The following PCDHA1 variants were observed in gnomAD, a reference collection of about 807,000 sequenced individuals.
PCDHA1 encodes protocadherin alpha-1.
PCDHA1 carries 42 observed loss-of-function variants against 61.3 expected under a neutral mutation model. The ratio of observed to expected loss-of-function variants is 0.69; its 90% CI spans 0.54 to 0.89. The LOEUF is 0.89. Among genes scored for constraint, PCDHA1 ranks in the 40% least tolerant of loss-of-function variants. PCDHA1 has a pLI of 0.00. For missense variants in PCDHA1, 1,256 were observed against 1,235.3 expected, an observed-to-expected ratio of 1.02 and a Z score of -0.25; for synonymous variants, 610 against 553.8, an observed-to-expected ratio of 1.10 and a Z score of -1.43.
At chr5:140,827,315 C>A (rs2150147062) in intron 1 of PCDHA1, among the ~76,000 whole-genome samples, 1 of 152,126 alleles carries the variant, frequency 6.6e-6, no homozygotes, top group East Asian at 1.9e-4. Flanking sequence ...GGTAGAAATT[C>A]CACTAGAATT....
intron 1 of PCDHA1, chr5:140,864,553 T>C (rs575186227): frequency 3.0e-4 from 45 of 152,314 alleles, no homozygotes; most frequent in African/African-American, 1.1e-3. Context: ...TTCTTATAAT[T>C]TCATTTTAGG....
chr5:140,818,588 A>G (rs145310049), intron 1 of PCDHA1, among the ~76,000 whole-genome samples: 121 of 152,278 alleles, frequency 7.9e-4, no homozygotes, highest in Middle Eastern at 3.4e-3. Context: ...TATAATCCCA[A>G]CACCTGTGTG....
At chr5:140,813,261 TG>T (rs1289054885) in intron 1 of PCDHA1, 11 of 152,182 alleles carry the variant, frequency 7.2e-5, no homozygotes, top group African/African-American at 2.7e-4. Context: ...CTACAGTCAT[TG>T]GAGATACATT....
chr5:140,877,094 G>C, intron 1 of PCDHA1: 1 of 1,613,310 alleles, frequency 6.2e-7, no homozygotes, highest in Non-Finnish European at 8.5e-7. Flanking sequence ...CGCGACGCCG[G>C]CGTGCCGCCT....
At chr5:140,942,916 A>G (rs2093393160) in intron 1 of PCDHA1, among the ~76,000 whole-genome samples, 1 of 152,158 alleles carries the variant, frequency 6.6e-6, no homozygotes, top group Non-Finnish European at 1.5e-5. Context: ...GCGTGAAGAA[A>G]AAAAAAATTG....
intron 1 of PCDHA1, among the ~76,000 whole-genome samples, chr5:140,884,922 T>C (rs1253595342): frequency 6.6e-6 from 1 of 152,246 alleles, no homozygotes; most frequent in African/African-American, 2.4e-5. Context: ...TAGTTCTAAG[T>C]ATTTATCTTG....
intron 1 of PCDHA1, chr5:140,929,452 T>C: frequency 1.5e-6 from 2 of 1,366,592 alleles, no homozygotes; most frequent in Non-Finnish European, 2.0e-6. Context: ...TTCTTAGCAC[T>C]TCCTGTGCCA....
chr5:140,990,895 G>A (rs550774822), intron 3 of PCDHA1, among the ~76,000 whole-genome samples: 15 of 152,284 alleles, frequency 9.9e-5, no homozygotes, highest in Non-Finnish European at 1.9e-4. Flanking sequence ...GTGGGTCGTT[G>A]CTGGGTCAAG....
chr5:140,876,342 A>C, intron 1 of PCDHA1: 1 of 1,614,042 alleles, frequency 6.2e-7, no homozygotes, highest in Non-Finnish European at 8.5e-7. Flanking sequence ...TGAGTGAGAA[A>C]TGTATGTTTT....
chr5:141,008,633 A>G (rs1212403774), intron 3 of PCDHA1, among the ~76,000 whole-genome samples: 1 of 152,212 alleles, frequency 6.6e-6, no homozygotes, highest in African/African-American at 2.4e-5. Context: ...AGTATAATTA[A>G]CAATTTCTTC....
intron 1 of PCDHA1, chr5:140,884,416 G>T (rs1035372416): frequency 1.2e-6 from 2 of 1,614,006 alleles, no homozygotes; most frequent in East Asian, 4.5e-5. Flanking sequence ...TCACGTTGCT[G>T]CTGTATACTG....
chr5:140,903,543 A>C (rs1309997907), intron 1 of PCDHA1, among the ~76,000 whole-genome samples: 2 of 152,206 alleles, frequency 1.3e-5, no homozygotes, highest in East Asian at 3.8e-4. Flanking sequence ...TAGAGCAAGA[A>C]ACTTTTCTAA....
At chr5:140,953,124 A>G (rs1554220816) in intron 1 of PCDHA1, among the ~76,000 whole-genome samples, 1 of 152,150 alleles carries the variant, frequency 6.6e-6, no homozygotes, top group African/African-American at 2.4e-5. Flanking sequence ...ACAGATCTAA[A>G]CCGTATCACT....
At chr5:140,841,153 T>C in intron 1 of PCDHA1, 1 of 819,712 alleles carries the variant, frequency 1.2e-6, no homozygotes, top group East Asian at 2.7e-5. Flanking sequence ...TGTCGCTGTC[T>C]ACCAAGAAGT....
intron 1 of PCDHA1, chr5:140,822,912 T>G: frequency 1.2e-6 from 2 of 1,614,222 alleles, no homozygotes; most frequent in Non-Finnish European, 1.7e-6. Flanking sequence ...GTGACTCAGG[T>G]GCCAACGGGC....
chr5:140,869,106 G>A (rs1300691956), intron 1 of PCDHA1: 1 of 1,602,672 alleles, frequency 6.2e-7, no homozygotes, highest in Non-Finnish European at 8.5e-7. Flanking sequence ...CGTATGCGAT[G>A]TTTGGTTTTC....
chr5:140,820,690 A>G (rs2150107620), intron 1 of PCDHA1, among the ~76,000 whole-genome samples: 111 of 152,212 alleles, frequency 7.3e-4, no homozygotes, highest in Admixed American at 2.2e-3. Context: ...TAATAAAATG[A>G]TATTCTTTTC....
chr5:140,825,441 A>T, intron 1 of PCDHA1: 1 of 147,966 alleles, frequency 6.8e-6, no homozygotes, highest in Non-Finnish European at 1.5e-5. Flanking sequence ...ATATAATAAT[A>T]ATATATATCA....
intron 1 of PCDHA1, chr5:140,807,047 C>A: frequency 9.8e-7 from 1 of 1,020,448 alleles, no homozygotes; most frequent in Non-Finnish European, 1.4e-6. Context: ...AAAATTCCTT[C>A]TATTCTTACT....
Sources: gnomAD v4.1 joint callset for allele counts (sites outside exome capture counted in the v4.1 genomes callset) on GRCh38, gnomAD v4.1.1 for gene constraint, MANE v1.5 for transcripts, NCBI Gene and HGNC (gene_info 2026-07-23, HGNC 2026-07-21) for gene names.